ABCC9: variants seen among roughly 807,000 people sequenced by gnomAD.
The protein encoded by ABCC9 is ATP-binding cassette sub-family C member 9.
In ABCC9, 95 loss-of-function variants were observed where a neutral mutation model predicts 188.3. That is an observed-to-expected ratio of 0.50 (90% CI 0.43 to 0.60). The LOEUF (loss-of-function observed/expected upper bound fraction) is 0.60, where lower values mean the gene tolerates loss of function less well. ABCC9 is among the 20% of genes least tolerant of loss of function. The probability of loss-of-function intolerance (pLI) is 0.00; values close to 1 mark genes in which losing one functional copy is unlikely to be tolerated. For synonymous variants in ABCC9, 659 were observed against 652.7 expected (o/e 1.01, Z -0.15); for missense variants, 1,102 against 1,876.3 (o/e 0.59, Z 7.62).
chr12:21,902,444 G>A (rs1366062290), intron 12 of ABCC9, among the ~76,000 whole-genome samples: 2 of 151,810 alleles, frequency 1.3e-5, no homozygotes, highest in Non-Finnish European at 2.9e-5. Flanking sequence ...AAATAACTTA[G>A]ATCAGAGCAG....
chr12:21,882,295 A>G (rs989845565), intron 16 of ABCC9, among the ~76,000 whole-genome samples: 8 of 152,132 alleles, frequency 5.3e-5, no homozygotes, highest in African/African-American at 1.7e-4. Flanking sequence ...CTTAAGCACA[A>G]TGCCTGGGGA....
chr12:21,813,018 C>A (rs541832734), intron 35 of ABCC9, among the ~76,000 whole-genome samples: 2 of 152,166 alleles, frequency 1.3e-5, no homozygotes, highest in East Asian at 3.9e-4. Context: ...TTCCCTTTAT[C>A]CTCCTCACTT....
rs189023957 is a variant in ABCC9 at position 21,877,583 on chromosome 12, A to G, written c.2020-1857T>C. Among the ~76,000 whole-genome samples, 342 of 152,304 alleles carry G rather than the reference A, an allele frequency of 2.2e-3. 2 individuals are homozygous for G. Among genetic ancestry groups the G allele is most frequent in the African/African-American group, 7.7e-3 (319 of 41,566 alleles). The stretch of plus-strand genomic sequence containing the variant: ...TCTCCTAGGGTAGGTGAGGAGGCTA[A>G]AAGAGGCACAAAAATAGATGCTTGT... On this transcript the variant is annotated intron_variant, in intron 16 of 39. Coordinates refer to ENST00000261200, the MANE Select transcript of ABCC9 (RefSeq NM_020297.4).
intron 12 of ABCC9, among the ~76,000 whole-genome samples, chr12:21,905,299 G>T (rs1947985943): frequency 6.6e-6 from 1 of 151,778 alleles, no homozygotes. Context: ...AGCATTAGGA[G>T]ATATACCTAA....
At chr12:21,891,368 A>T in intron 14 of ABCC9, among the ~76,000 whole-genome samples, 1 of 151,458 alleles carries the variant, frequency 6.6e-6, no homozygotes, top group East Asian at 2.1e-4. Flanking sequence ...TTATTATTTT[A>T]GATAATAGTT....
chr12:21,911,586 C>T (rs931436054), intron 8 of ABCC9, among the ~76,000 whole-genome samples: 5 of 151,904 alleles, frequency 3.3e-5, no homozygotes, highest in South Asian at 4.1e-4. Context: ...TTGTTTGTAA[C>T]AATAGCATAT....
chr12:21,829,499 C>T (rs1943629978), intron 30 of ABCC9, among the ~76,000 whole-genome samples: 1 of 152,152 alleles, frequency 6.6e-6, no homozygotes, highest in African/African-American at 2.4e-5. Flanking sequence ...CCGCACCCGG[C>T]CCAGTAAATA....
intron 39 of ABCC9, among the ~76,000 whole-genome samples, chr12:21,804,619 G>A (rs966090192): frequency 1.3e-5 from 2 of 152,268 alleles, no homozygotes; most frequent in East Asian, 1.9e-4. Context: ...GGAAAAATTC[G>A]AGAAAGTAGA....
chr12:21,832,581 A>G (rs1312421230), intron 30 of ABCC9, among the ~76,000 whole-genome samples: 1 of 151,950 alleles, frequency 6.6e-6, no homozygotes, highest in East Asian at 1.9e-4. Flanking sequence ...ATGAGACACC[A>G]CCTTACCCCT....
rs1401889093 is a variant in ABCC9, at chr12:21,915,664, T to A, written c.816+4A>T. ...AAGCACATGGAAGACAGACGCTAAA[T>A]CACCTTTTGTTCTTCATATGCATCT... On this transcript the variant is annotated splice_donor_region_variant and intron_variant, in intron 7 of 39. Transcript: ENST00000261200. 5.0e-6 allele frequency: 8 copies of A among 1,611,874 alleles called. No homozygotes were observed. In the Admixed American group the frequency reaches 8.4e-5, roughly 17 times the overall value.
At chr12:21,837,105 T>C (rs182979404) in intron 30 of ABCC9, among the ~76,000 whole-genome samples, 177 of 152,346 alleles carry the variant, frequency 1.2e-3, no homozygotes, top group Middle Eastern at 3.4e-3. Context: ...TTTAATATGG[T>C]GTACATATTA....
chr12:21,804,277 A>T (rs904692282), intron 39 of ABCC9, among the ~76,000 whole-genome samples: 1 of 152,230 alleles, frequency 6.6e-6, no homozygotes, highest in African/African-American at 2.4e-5. Flanking sequence ...ACATTTTGTT[A>T]AAAATACAAA....
chr12:21,821,843 A>G (rs1943052804), intron 31 of ABCC9, among the ~76,000 whole-genome samples: 1 of 152,156 alleles, frequency 6.6e-6, no homozygotes, highest in African/African-American at 2.4e-5. Flanking sequence ...ATGATGGGAG[A>G]AAAAGGAGAA....
chr12:21,910,745 A>C, intron 9 of ABCC9, 81 bp downstream of exon 9: 1 of 1,339,758 alleles, frequency 7.5e-7, no homozygotes, highest in Non-Finnish European at 1.1e-6. Flanking sequence ...GAAAAAACAA[A>C]ACTGAAGCTA....
Position 21,864,486 on chromosome 12 carries a change from A to T in ABCC9, c.2199-9T>A, listed in dbSNP as rs1299208660. The T allele has an allele frequency of 1.3e-6, 2 of 1,569,238 alleles. No individual in the cohort carries two copies. The highest frequency in any genetic ancestry group is 2.7e-5 in the African/African-American group (2 of 73,932). On this transcript the variant is annotated splice_polypyrimidine_tract_variant and intron_variant, in intron 18 of 39. Coordinates refer to ENST00000261200, the MANE Select transcript of ABCC9 (RefSeq NM_020297.4). ...GCTCAGATTCATTTACACTGCAAGT[A>T]TGGCAAACAATGTTCATTAATTATG...
At position 21,848,138 on chromosome 12, in the gene ABCC9, A is replaced by G; in HGVS notation, c.2866+12T>C. 6.2e-7 allele frequency: 1 copy of G among 1,611,600 alleles called. No homozygotes were observed. Among genetic ancestry groups the G allele is most frequent in the Non-Finnish European group, 8.5e-7 (1 of 1,177,956 alleles). On this transcript the variant is annotated intron_variant, in intron 25 of 39. Coordinates refer to ENST00000261200, the MANE Select transcript of ABCC9 (RefSeq NM_020297.4). ...CCATTAGAATGTTCCAGATAAAAGAAAAAAGATCTACCTTCGTCTTCGTCC... is the reference window on the plus strand; with the variant it reads ...CCATTAGAATGTTCCAGATAAAAGAGAAAAGATCTACCTTCGTCTTCGTCC...
Position 21,800,944 on chromosome 12 carries a change from A to C in ABCC9, c.*100T>G. The C allele has an allele frequency of 6.9e-7, 1 of 1,448,786 alleles. No homozygotes were observed. The allele number at this position is 1,448,786 out of a possible 1,614,324, so 89.7% of individuals were successfully genotyped here. A position where few individuals can be genotyped will look rare whatever the true frequency, so the allele number is the denominator to read the frequency against. On this transcript the variant is annotated 3_prime_UTR_variant, in exon 40 of 40. Coordinates refer to ENST00000261200, the MANE Select transcript of ABCC9 (RefSeq NM_020297.4). ...TCCACTTTTTGTGCAAAAATCTGTA[A>C]AAGTTTTAAGATGCCACTTTACAGA...
At chr12:21,918,100 G>C (rs1948672471) in intron 5 of ABCC9, among the ~76,000 whole-genome samples, 1 of 151,590 alleles carries the variant, frequency 6.6e-6, no homozygotes, top group Non-Finnish European at 1.5e-5. Flanking sequence ...TAGCTTAAAA[G>C]TAAGTAGATG....
intron 36 of ABCC9, among the ~76,000 whole-genome samples, chr12:21,811,789 G>A (rs1942256697): frequency 6.6e-6 from 1 of 152,126 alleles, no homozygotes; most frequent in Non-Finnish European, 1.5e-5. Flanking sequence ...TGTCTGCCAA[G>A]CATCACCGTT....
Sources: gnomAD v4.1 joint callset for allele counts (sites outside exome capture counted in the v4.1 genomes callset) on GRCh38, gnomAD v4.1.1 for gene constraint, MANE v1.5 for transcripts, NCBI Gene and HGNC (gene_info 2026-07-23, HGNC 2026-07-21) for gene names.